PCDHA1: variants seen among roughly 807,000 people sequenced by gnomAD.
PCDHA1 encodes protocadherin alpha-1.
A neutral mutation model predicts 61.3 loss-of-function variants in PCDHA1; 42 were observed. The observed-to-expected ratio is 0.69, with a 90% CI of 0.54 to 0.89. PCDHA1 has a LOEUF of 0.89. Among genes scored for constraint, PCDHA1 ranks in the 40% least tolerant of loss-of-function variants. The probability of loss-of-function intolerance (pLI) is 0.00; values close to 1 mark genes in which losing one functional copy is unlikely to be tolerated. For missense variants in PCDHA1, 1,256 were observed against 1,235.3 expected (o/e 1.02, Z -0.25); for synonymous variants, 610 against 553.8 (o/e 1.10, Z -1.43).
At chr5:140,842,470 G>A (rs782055761) in intron 1 of PCDHA1, 2 of 1,613,802 alleles carry the variant, frequency 1.2e-6, no homozygotes, top group South Asian at 1.1e-5. Context: ...GTGCCAACGG[G>A]CAGGTGACCT....
At chr5:141,009,494 A>T in intron 3 of PCDHA1, 133 bp from the exon 4 acceptor site, 1 of 1,488,918 alleles carries the variant, frequency 6.7e-7, no homozygotes, top group South Asian at 1.4e-5. Flanking sequence ...TTGCCCTCAG[A>T]CTTGAACAAA....
chr5:140,829,210 C>T (rs2150163892), intron 1 of PCDHA1: 28 of 1,614,110 alleles, frequency 1.7e-5, no homozygotes, highest in African/African-American at 6.7e-5. Flanking sequence ...CCCTAATTAG[C>T]GTGAACGACC....
chr5:140,839,588 C>T lies in PCDHA1; in HGVS notation c.2394+50904C>T, dbSNP rs145358613. 8.3e-3 allele frequency among the ~76,000 whole-genome samples: 1,255 copies of T among 152,068 alleles called. 26 individuals are homozygous for T. Among genetic ancestry groups the T allele is most frequent in the African/African-American group, 0.029 (1,202 of 41,420 alleles). On this transcript the variant is annotated intron_variant, in intron 1 of 3. Transcript: ENST00000504120. ...TATTTTTTGTAGAGATGGGGTCTTACCATGTTGCCCAGGCTGGTCTCAAAC... is the reference window on the plus strand; with the variant it reads ...TATTTTTTGTAGAGATGGGGTCTTATCATGTTGCCCAGGCTGGTCTCAAAC...
In PCDHA1 at chr5:140,796,690, G is replaced by T. The variant is rs1047221843; in HGVS notation, c.2394+8006G>T. On this transcript the variant is annotated intron_variant, in intron 1 of 3. Transcript: ENST00000504120. ...GCCTAGGGCTGGCACCGCTGCTGGC[G>T]CAGTGAGTGAGCTGGTGCCGTGGTC... 44 of 1,613,826 alleles carry T rather than the reference G, an allele frequency of 2.7e-5. No individual in the cohort carries two copies. The highest frequency in any genetic ancestry group is 2.9e-5 in the Non-Finnish European group (34 of 1,179,898).
intron 1 of PCDHA1, among the ~76,000 whole-genome samples, chr5:140,945,145 T>C (rs1310475283): frequency 2.6e-5 from 4 of 152,128 alleles, no homozygotes; most frequent in African/African-American, 2.4e-5. Flanking sequence ...CAATAGCATT[T>C]CTATACACTA....
chr5:140,877,389 G>A (rs1554169667), intron 1 of PCDHA1: 3 of 1,613,994 alleles, frequency 1.9e-6, no homozygotes, highest in South Asian at 1.1e-5. Flanking sequence ...TCCTGGATGA[G>A]GCGGACGCTC....
intron 1 of PCDHA1, among the ~76,000 whole-genome samples, chr5:140,977,783 T>TATATGA (rs1488853966): frequency 1.3e-5 from 2 of 152,252 alleles, no homozygotes; most frequent in African/African-American, 4.8e-5. Context: ...TTAAAGGAAC[T>TATATGA]ATATGAATGA....
At chr5:140,998,591 T>A (rs2097823979) in intron 3 of PCDHA1, among the ~76,000 whole-genome samples, 1 of 150,884 alleles carries the variant, frequency 6.6e-6, no homozygotes, top group Non-Finnish European at 1.5e-5. Context: ...TGAGACAGAG[T>A]TTTGCTCTTG....
intron 1 of PCDHA1, chr5:140,857,719 G>A (rs781995177): frequency 6.3e-7 from 1 of 1,597,526 alleles, no homozygotes. Flanking sequence ...TGCTGGACGA[G>A]AACGACAACG....
chr5:140,973,178 G>A (rs188308697), intron 1 of PCDHA1, among the ~76,000 whole-genome samples: 1 of 152,282 alleles, frequency 6.6e-6, no homozygotes, highest in Admixed American at 6.5e-5. Flanking sequence ...CAAACCTTCA[G>A]TTATTTCTGC....
intron 1 of PCDHA1, chr5:140,808,463 A>G: frequency 6.2e-7 from 1 of 1,614,166 alleles, no homozygotes; most frequent in Non-Finnish European, 8.5e-7. Context: ...GCTGGTGGTG[A>G]CCGCGCGAGA....
In PCDHA1 at chr5:140,850,586, C is replaced by T. The variant is rs10040059; in HGVS notation, c.2394+61902C>T. The stretch of plus-strand genomic sequence containing the variant: ...CCGAGGTGACGCTGGTGGATGTCAA[C>T]GTGTACCTGATCATCGCCATCTGCG... On this transcript the variant is annotated intron_variant, in intron 1 of 3. Transcript: ENST00000504120. 1,289 of 1,598,414 alleles carry T rather than the reference C, an allele frequency of 8.1e-4. 73 individuals carry two copies. In the African/African-American group the frequency reaches 0.014, roughly 17 times the overall value.
chr5:140,853,975 C>A, intron 1 of PCDHA1: 1 of 594,170 alleles, frequency 1.7e-6, no homozygotes, highest in Non-Finnish European at 2.2e-6. Flanking sequence ...CAGTTTGAGA[C>A]CAATGTAGTG....
intron 1 of PCDHA1, chr5:140,857,554 G>C: frequency 1.3e-6 from 2 of 1,596,880 alleles, no homozygotes; most frequent in Non-Finnish European, 1.7e-6. Flanking sequence ...GCGAGCGCTC[G>C]CTGTCGAGCT....
chr5:140,829,536 C>A, intron 1 of PCDHA1: 1 of 1,613,152 alleles, frequency 6.2e-7, no homozygotes, highest in Middle Eastern at 1.9e-4. Flanking sequence ...GCGCGAGACG[C>A]GGACGCGCAG....
intron 1 of PCDHA1, chr5:140,843,752 T>C: frequency 6.6e-7 from 1 of 1,516,544 alleles, no homozygotes; most frequent in South Asian, 1.2e-5. Context: ...TAAATTCTAT[T>C]TGTGGAAATT....
At chr5:140,911,439 A>C (rs2075473101) in intron 1 of PCDHA1, among the ~76,000 whole-genome samples, 2 of 152,080 alleles carry the variant, frequency 1.3e-5, no homozygotes, top group Admixed American at 1.3e-4. Context: ...AATTTCCCGC[A>C]ATTTCAGCTC....
chr5:140,892,941 A>G (rs1554185454), intron 1 of PCDHA1, among the ~76,000 whole-genome samples: 1 of 152,178 alleles, frequency 6.6e-6, no homozygotes, highest in African/African-American at 2.4e-5. Context: ...GATAAGCACA[A>G]TACTACTTCC....
At chr5:140,862,559 A>C in intron 1 of PCDHA1, 1 of 470,052 alleles carries the variant, frequency 2.1e-6, no homozygotes, top group Non-Finnish European at 4.3e-6. Context: ...CGAACAGTGA[A>C]CCACAATGCC....
Sources: allele counts gnomAD v4.1 joint callset (sites outside exome capture counted in the v4.1 genomes callset), GRCh38; gene constraint gnomAD v4.1.1; transcripts MANE v1.5; gene names NCBI Gene and HGNC (gene_info 2026-07-23, HGNC 2026-07-21).